The following SLC24A2 variants were observed in gnomAD, a reference collection of about 807,000 sequenced individuals.
SLC24A2 encodes sodium/potassium/calcium exchanger 2.
A neutral mutation model predicts 62.0 loss-of-function variants in SLC24A2; 36 were observed. The ratio of observed to expected loss-of-function variants is 0.58; its 90% CI spans 0.44 to 0.77. SLC24A2 has a LOEUF of 0.77. Ranked by LOEUF, SLC24A2 falls within the 30% of genes least tolerant of loss-of-function variation. SLC24A2 has a pLI of 0.00. For synonymous variants in SLC24A2, 358 were observed against 294.0 expected (o/e 1.22, Z -2.23); for missense variants, 846 against 817.9 (o/e 1.03, Z -0.42).
At chr9:19,524,492 C>G (rs1563931155) in intron 9 of SLC24A2, among the ~76,000 whole-genome samples, 1 of 147,584 alleles carries the variant, frequency 6.8e-6, no homozygotes, top group East Asian at 2.0e-4. Context: ...TTTTGCCAAA[C>G]AGTAGCCAAA....
chr9:19,694,015 CA>C (rs1431328416), intron 2 of SLC24A2, among the ~76,000 whole-genome samples: 1 of 151,752 alleles, frequency 6.6e-6, no homozygotes. Flanking sequence ...TTATAATTTT[CA>C]AATTCTCACT....
At chr9:19,954,543 A>T in the SLC24A2 span, among the ~76,000 whole-genome samples, 1 of 152,140 alleles carries the variant, frequency 6.6e-6, no homozygotes, top group Non-Finnish European at 1.5e-5. Flanking sequence ...TTGCAAATAT[A>T]GTGGGACTAT....
At chr9:19,768,900 T>C (rs575154373) in intron 2 of SLC24A2, among the ~76,000 whole-genome samples, 2 of 152,292 alleles carry the variant, frequency 1.3e-5, no homozygotes, top group East Asian at 3.9e-4. Context: ...CATGCTTCAA[T>C]GCTATGAATC....
In SLC24A2 at chr9:19,573,319, C is replaced by A. The variant is rs752144532; in HGVS notation, c.1347+32G>T. 6 of 1,402,618 alleles carry A rather than the reference C, an allele frequency of 4.3e-6. No homozygotes were observed. In the South Asian group the frequency reaches 5.8e-5, roughly 13 times the overall value. 86.9% of individuals were successfully genotyped at this position (1,402,618 alleles called of 1,614,324 possible). A position where few individuals can be genotyped will look rare whatever the true frequency, so the allele number is the denominator to read the frequency against. On this transcript the variant is annotated intron_variant, in intron 7 of 10. Coordinates refer to ENST00000341998, the MANE Select transcript of SLC24A2 (RefSeq NM_020344.4). ...ACGCTAGGATATCAGTTAAGAACAACAGCCCAGAAGAGCAATGGAGAAAAG... is the reference window on the plus strand; with the variant it reads ...ACGCTAGGATATCAGTTAAGAACAAAAGCCCAGAAGAGCAATGGAGAAAAG...
chr9:19,980,939 C>G, the SLC24A2 span, among the ~76,000 whole-genome samples: 10 of 152,192 alleles, frequency 6.6e-5, no homozygotes, highest in African/African-American at 2.4e-4. Context: ...TCCCAAAATA[C>G]TACTCCTAAT....
the SLC24A2 span, among the ~76,000 whole-genome samples, chr9:20,026,977 G>GA: frequency 5.3e-5 from 8 of 152,004 alleles, no homozygotes; most frequent in South Asian, 1.5e-3. Context: ...CTATATAGTA[G>GA]AAAAAAATAA....
chr9:20,188,176 A>G, the SLC24A2 span, among the ~76,000 whole-genome samples: 4 of 152,218 alleles, frequency 2.6e-5, no homozygotes, highest in Non-Finnish European at 4.4e-5. Context: ...TGTCCATGCG[A>G]CAAGGTGCAT....
chr9:19,616,625 C>G (rs1817773881), intron 4 of SLC24A2, among the ~76,000 whole-genome samples: 4 of 152,268 alleles, frequency 2.6e-5, no homozygotes, highest in African/African-American at 9.6e-5. Flanking sequence ...CCTAATCTTC[C>G]TGAGCCTTCA....
chr9:19,850,058 CTA>C, the SLC24A2 span, among the ~76,000 whole-genome samples: 1 of 148,850 alleles, frequency 6.7e-6, no homozygotes, highest in Admixed American at 6.8e-5. Context: ...TTATGTAGGG[CTA>C]TGTTTCTGAG....
the SLC24A2 span, among the ~76,000 whole-genome samples, chr9:20,280,531 G>C: frequency 6.6e-6 from 1 of 152,178 alleles, no homozygotes; most frequent in Non-Finnish European, 1.5e-5. Context: ...AGAATCAGTG[G>C]TGACCATTGT....
the SLC24A2 span, among the ~76,000 whole-genome samples, chr9:19,970,678 T>C: frequency 6.6e-6 from 1 of 152,220 alleles, no homozygotes; most frequent in Non-Finnish European, 1.5e-5. Context: ...ATAAACTATC[T>C]TAGGAATTAT....
chr9:20,248,824 G>C, the SLC24A2 span, among the ~76,000 whole-genome samples: 1 of 152,130 alleles, frequency 6.6e-6, no homozygotes, highest in Non-Finnish European at 1.5e-5. Context: ...TTACTTCTCC[G>C]GGGCACCCAC....
At chr9:19,949,908 C>G in the SLC24A2 span, among the ~76,000 whole-genome samples, 8,363 of 152,272 alleles carry the variant, frequency 0.055, 271 homozygotes, top group African/African-American at 0.089. Flanking sequence ...TCACGGAGTG[C>G]CTTGCTAATC....
the SLC24A2 span, among the ~76,000 whole-genome samples, chr9:20,119,528 C>T: frequency 6.6e-6 from 1 of 152,116 alleles, no homozygotes; most frequent in South Asian, 2.1e-4. Flanking sequence ...TCAATACCTG[C>T]AGGAAAAAAA....
the SLC24A2 span, among the ~76,000 whole-genome samples, chr9:20,293,977 C>T: frequency 3.3e-5 from 5 of 152,150 alleles, no homozygotes; most frequent in African/African-American, 1.2e-4. Context: ...GACTCCCATT[C>T]CGTGTATCTC....
At chr9:19,567,426 G>C (rs1182768133) in intron 7 of SLC24A2, among the ~76,000 whole-genome samples, 2 of 150,822 alleles carry the variant, frequency 1.3e-5, no homozygotes, top group East Asian at 3.9e-4. Flanking sequence ...GGCGCCTGTA[G>C]TCCCAGCTAC....
the SLC24A2 span, among the ~76,000 whole-genome samples, chr9:19,902,228 T>C: frequency 2.6e-5 from 4 of 152,158 alleles, no homozygotes; most frequent in Non-Finnish European, 5.9e-5. Flanking sequence ...AGGAATTCAG[T>C]TTTTAAGGCT....
chr9:19,592,127 T>C (rs1836570210), intron 5 of SLC24A2, among the ~76,000 whole-genome samples: 4 of 152,358 alleles, frequency 2.6e-5, no homozygotes, highest in African/African-American at 7.2e-5. Context: ...TTTGTTTCTT[T>C]GAAATAATGG....
At chr9:19,994,694 G>A in the SLC24A2 span, among the ~76,000 whole-genome samples, 1 of 152,190 alleles carries the variant, frequency 6.6e-6, no homozygotes, top group South Asian at 2.1e-4. Flanking sequence ...CTGCATATGT[G>A]AGGATCGGAC....
Sources: gnomAD v4.1 joint callset for allele counts (sites outside exome capture counted in the v4.1 genomes callset) on GRCh38, gnomAD v4.1.1 for gene constraint, MANE v1.5 for transcripts, NCBI Gene and HGNC (gene_info 2026-07-23, HGNC 2026-07-21) for gene names.